Variants in RBFOX1 observed in about 807,000 individuals in gnomAD.
The protein encoded by RBFOX1 is RNA binding fox-1 homolog 1.
RBFOX1 carries 8 observed loss-of-function variants against 57.7 expected under a neutral mutation model. The ratio of observed to expected loss-of-function variants is 0.14; its 90% CI spans 0.08 to 0.25. RBFOX1 has a LOEUF of 0.25. Among genes scored for constraint, RBFOX1 ranks in the 10% least tolerant of loss-of-function variants. The probability of loss-of-function intolerance (pLI) is 1.00; values close to 1 mark genes in which losing one functional copy is unlikely to be tolerated. For missense variants in RBFOX1, 611 were observed against 548.5 expected (o/e 1.11, Z -1.14); for synonymous variants, 326 against 222.4 (o/e 1.47, Z -4.15).
intron 4 of RBFOX1, among the ~76,000 whole-genome samples, chr16:7,286,899 G>A (rs1318672736): frequency 6.6e-6 from 1 of 152,176 alleles, no homozygotes; most frequent in East Asian, 1.9e-4. Context: ...AGAGTGCTGG[G>A]ATTACAGGCA....
chr16:6,100,633 A>G (rs1285606325), intron 1 of RBFOX1, among the ~76,000 whole-genome samples: 2 of 152,204 alleles, frequency 1.3e-5, no homozygotes, highest in African/African-American at 4.8e-5. Flanking sequence ...TTGAGTTGCT[A>G]TAGTAGGGTC....
intron 4 of RBFOX1, among the ~76,000 whole-genome samples, chr16:7,251,428 G>A (rs1278893179): frequency 6.7e-6 from 1 of 148,634 alleles, no homozygotes; most frequent in African/African-American, 2.5e-5. Flanking sequence ...TTTTCTGTGG[G>A]GGATGGAGTT....
At chr16:6,855,826 C>CCTCCCTCCTTCT (rs2057762917) in intron 3 of RBFOX1, among the ~76,000 whole-genome samples, 4 of 149,796 alleles carry the variant, frequency 2.7e-5, no homozygotes, top group African/African-American at 7.4e-5. Context: ...TTCCTCCTTC[C>CCTCCCTCCTTCT]CTCCCTCCTT....
At chr16:5,529,775 C>T (rs538256345) in intron 2 of RBFOX1, among the ~76,000 whole-genome samples, 22 of 152,146 alleles carry the variant, frequency 1.4e-4, no homozygotes, top group Non-Finnish European at 1.5e-5. Flanking sequence ...ACCATGTTAG[C>T]CAGGGTGTTC....
chr16:7,179,586 C>T (rs1301788766), intron 4 of RBFOX1, among the ~76,000 whole-genome samples: 1 of 151,834 alleles, frequency 6.6e-6, no homozygotes, highest in Non-Finnish European at 1.5e-5. Context: ...AACGTGGACA[C>T]ATGGTTTCCT....
chr16:6,418,914 A>G (rs909064189), intron 2 of RBFOX1, among the ~76,000 whole-genome samples: 4 of 152,162 alleles, frequency 2.6e-5, no homozygotes, highest in African/African-American at 9.7e-5. Flanking sequence ...TATGTGGAAG[A>G]ACCGTTGTAT....
intron 3 of RBFOX1, among the ~76,000 whole-genome samples, chr16:5,623,741 C>G (rs907224098): frequency 6.6e-6 from 1 of 152,094 alleles, no homozygotes; most frequent in African/African-American, 2.4e-5. Flanking sequence ...TGTGTCTCTC[C>G]TGCTCTTTTT....
Position 6,476,076 on chromosome 16 carries a change from G to GA in RBFOX1, c.-64+159027dup, listed in dbSNP as rs534458124. ...TGAAGAGAACAGGCAGTTCCCAGGT[G>GA]AAAAAAAATGTTATTGGTACAATGT... On this transcript the variant is annotated intron_variant, in intron 2 of 15. Coordinates refer to ENST00000550418, the MANE Select transcript of RBFOX1 (RefSeq NM_018723.4). Among the ~76,000 whole-genome samples the GA allele has an allele frequency of 1.8e-3, 272 of 151,840 alleles. No individual in the cohort carries two copies. The Middle Eastern group carries it at 0.02, about 11-fold the overall frequency.
At chr16:5,906,727 CTTTTTTT>C (rs57589514) in intron 4 of RBFOX1, among the ~76,000 whole-genome samples, 1,589 of 71,466 alleles carry the variant, frequency 0.022, 35 homozygotes, top group African/African-American at 0.081. Context: ...ATCCTAGATT[CTTTTTTT>C]TTTTTTTTTT....
intron 1 of RBFOX1, among the ~76,000 whole-genome samples, chr16:5,372,007 G>A (rs2065870694): frequency 1.3e-5 from 2 of 152,146 alleles, no homozygotes; most frequent in African/African-American, 4.8e-5. Context: ...TCATAAGGGG[G>A]GAATCCTCTT....
chr16:6,941,294 C>G (rs1378535450), intron 3 of RBFOX1, among the ~76,000 whole-genome samples: 1 of 80,624 alleles, frequency 1.2e-5, no homozygotes. Flanking sequence ...CTCCTTCCCT[C>G]CCTCCCTCCT....
intron 4 of RBFOX1, among the ~76,000 whole-genome samples, chr16:5,989,321 ACT>A (rs986510757): frequency 2.0e-5 from 3 of 151,934 alleles, no homozygotes; most frequent in African/African-American, 7.3e-5. Flanking sequence ...ACAGAGCAAG[ACT>A]CTGTCTGAAA....
At chr16:7,447,430 C>CAAAAAAA (rs202234230) in intron 4 of RBFOX1, among the ~76,000 whole-genome samples, 2 of 98,534 alleles carry the variant, frequency 2.0e-5, no homozygotes, top group East Asian at 2.9e-4. Context: ...GAGTCTATCT[C>CAAAAAAA]AAAAAAAAAA....
intron 2 of RBFOX1, among the ~76,000 whole-genome samples, chr16:6,390,817 C>T (rs1432843455): frequency 1.3e-5 from 2 of 151,984 alleles, no homozygotes; most frequent in Non-Finnish European, 2.9e-5. Flanking sequence ...AGGAAGGAGG[C>T]TGGAGTGGTT....
chr16:5,987,404 G>A (rs1654525023), intron 4 of RBFOX1, among the ~76,000 whole-genome samples: 1 of 152,144 alleles, frequency 6.6e-6, no homozygotes, highest in African/African-American at 2.4e-5. Context: ...TCCAATTTAT[G>A]AATTTTTAAA....
At chr16:6,062,044 C>T (rs989599945) in intron 1 of RBFOX1, among the ~76,000 whole-genome samples, 6 of 152,016 alleles carry the variant, frequency 3.9e-5, no homozygotes, top group East Asian at 3.9e-4. Context: ...AAAACACTGA[C>T]GTGCGTTTAC....
chr16:5,350,814 G>A (rs1254296384), intron 1 of RBFOX1, among the ~76,000 whole-genome samples: 3 of 152,152 alleles, frequency 2.0e-5, no homozygotes, highest in Admixed American at 6.5e-5. Flanking sequence ...GCAGTGAGCC[G>A]ATATTGCACC....
At chr16:6,142,410 ATG>A (rs1491531240) in intron 1 of RBFOX1, among the ~76,000 whole-genome samples, 1 of 151,656 alleles carries the variant, frequency 6.6e-6, no homozygotes, top group Non-Finnish European at 1.5e-5. Flanking sequence ...TTTAGTAGAG[ATG>A]GGGTTTCACC....
chr16:6,177,780 C>T (rs545890220), intron 1 of RBFOX1, among the ~76,000 whole-genome samples: 1 of 152,106 alleles, frequency 6.6e-6, no homozygotes, highest in Non-Finnish European at 1.5e-5. Context: ...GTTAAGGAGA[C>T]TTTCATACTC....
Sources: allele counts gnomAD v4.1 joint callset (sites outside exome capture counted in the v4.1 genomes callset), GRCh38; gene constraint gnomAD v4.1.1; transcripts MANE v1.5; gene names NCBI Gene and HGNC (gene_info 2026-07-23, HGNC 2026-07-21).